Variants in GRPR observed in about 807,000 individuals in gnomAD.
GRPR encodes gastrin releasing peptide receptor, also known as gastrin-releasing peptide receptor.
Under a neutral mutation model 15.6 loss-of-function variants are expected in GRPR, and 4 were observed. The observed-to-expected ratio is 0.26, with a 90% CI of 0.13 to 0.59. The LOEUF is 0.59. Ranked by LOEUF, GRPR falls within the 20% of genes least tolerant of loss-of-function variation. GRPR has a pLI of 0.90. For synonymous variants in GRPR, 128 were observed against 126.8 expected, an observed-to-expected ratio of 1.01 and a Z score of -0.06; for missense variants, 270 against 304.1, an observed-to-expected ratio of 0.89 and a Z score of 0.83.
At chrX:16,148,731 G>A (rs1922643863) in intron 1 of GRPR, among the ~76,000 whole-genome samples, 2 of 111,335 alleles carry the variant, frequency 1.8e-5, no homozygotes, top group Non-Finnish European at 3.8e-5. Context: ...CATAGAAAAA[G>A]ACATACTCTT....
chrX:16,143,793 T>G (rs987558635), intron 1 of GRPR, among the ~76,000 whole-genome samples: 14 of 112,310 alleles, frequency 1.2e-4, no homozygotes, highest in African/African-American at 4.5e-4. Flanking sequence ...GTTCATTCAG[T>G]GTAGCACCTC....
chrX:16,150,218 G>C, intron 1 of GRPR, 87 bp from the exon 2 acceptor site: 1 of 652,697 alleles, frequency 1.5e-6, no homozygotes, highest in East Asian at 3.2e-5. Flanking sequence ...TTGTACGCCA[G>C]GTGTCTCGCT....
chrX:16,129,766 A>C (rs969731692), intron 1 of GRPR, among the ~76,000 whole-genome samples: 4 of 111,667 alleles, frequency 3.6e-5, no homozygotes, highest in African/African-American at 1.3e-4. Context: ...TTCCAAAGAC[A>C]TGAGGGGTCA....
In GRPR at chrX:16,124,357, C is replaced by T. The variant is rs1314334686; in HGVS notation, c.404C>T (p.Ser135Leu). 3.3e-6 allele frequency: 4 copies of T among 1,208,486 alleles called. No homozygotes were observed. The highest frequency in any genetic ancestry group is 4.4e-5 in the Admixed American group (2 of 45,955). Reference protein sequence around the residue: ...GVSVFTLTALSADRYKAIVRP... With the variant: ...GVSVFTLTALLADRYKAIVRP... Reference sequence around the variant, plus strand: ...TCTGTCTTCACACTCACGGCGCTCTCGGCAGACAGGTAAGTACAGGCTGAA... The same window carrying T: ...TCTGTCTTCACACTCACGGCGCTCTTGGCAGACAGGTAAGTACAGGCTGAA... Residue 135 changes from serine to leucine, a missense_variant, in exon 1 of 3, where the codon TCG (serine) becomes TTG (leucine). Ser to Leu is a moderately radical substitution (Grantham distance 145, BLOSUM62 -2). Around this residue, in one of 3 missense-constraint regions of GRPR, gnomAD observed 115 missense variants for 128.8 expected, o/e 0.89. Transcript: ENST00000380289.
chrX:16,140,234 T>A (rs1405348158), intron 1 of GRPR, among the ~76,000 whole-genome samples: 1 of 112,027 alleles, frequency 8.9e-6, no homozygotes, highest in Non-Finnish European at 1.9e-5. Flanking sequence ...ATTTTTATAA[T>A]TAGACACAGT....
At chrX:16,148,373 C>A (rs887656074) in intron 1 of GRPR, among the ~76,000 whole-genome samples, 3 of 111,524 alleles carry the variant, frequency 2.7e-5, no homozygotes, top group Admixed American at 9.5e-5. Context: ...CTCCCTGAGC[C>A]CAATGCACAA....
At chrX:16,127,808 A>G (rs996555136) in intron 1 of GRPR, among the ~76,000 whole-genome samples, 1 of 111,550 alleles carries the variant, frequency 9.0e-6, no homozygotes, top group African/African-American at 3.3e-5. Flanking sequence ...TGTTTTTTCT[A>G]TCTTCTTGTC....
At chrX:16,144,200 A>T (rs1222700157) in intron 1 of GRPR, among the ~76,000 whole-genome samples, 1 of 112,447 alleles carries the variant, frequency 8.9e-6, no homozygotes, top group Non-Finnish European at 1.9e-5. Context: ...GAGAGATAAG[A>T]TTCCATTGCT....
At chrX:16,135,793 C>G (rs1922439467) in intron 1 of GRPR, among the ~76,000 whole-genome samples, 1 of 112,142 alleles carries the variant, frequency 8.9e-6, no homozygotes, top group African/African-American at 3.2e-5. Context: ...ATGCTTATTT[C>G]TTTTTAAATG....
intron 1 of GRPR, among the ~76,000 whole-genome samples, chrX:16,143,559 T>C (rs960234193): frequency 8.9e-6 from 1 of 112,668 alleles, no homozygotes; most frequent in Admixed American, 9.4e-5. Flanking sequence ...CCTTTGTTCG[T>C]TCCTATTGGA....
chrX:16,129,525 A>C (rs192533736), intron 1 of GRPR, among the ~76,000 whole-genome samples: 64 of 111,399 alleles, frequency 5.7e-4, no homozygotes, highest in African/African-American at 2.0e-3. Flanking sequence ...TTGGGGTCCA[A>C]ATTTCTTCCC....
intron 1 of GRPR, among the ~76,000 whole-genome samples, chrX:16,147,094 A>G (rs1217839723): frequency 1.8e-5 from 2 of 111,883 alleles, no homozygotes; most frequent in Non-Finnish European, 3.8e-5. Context: ...TGAACATACC[A>G]CAACAGAAAA....
At chrX:16,129,508 A>G (rs890508174) in intron 1 of GRPR, among the ~76,000 whole-genome samples, 2 of 111,569 alleles carry the variant, frequency 1.8e-5, no homozygotes, top group African/African-American at 6.5e-5. Context: ...AGAGTTTGCT[A>G]TATGCTTTGG....
intron 1 of GRPR, among the ~76,000 whole-genome samples, chrX:16,126,402 A>G (rs745407747): frequency 8.0e-5 from 9 of 111,942 alleles, no homozygotes; most frequent in Non-Finnish European, 1.5e-4. Context: ...CTTCTATCTT[A>G]TATCTCTGAG....
At chrX:16,129,395 T>TC (rs1300080917) in intron 1 of GRPR, among the ~76,000 whole-genome samples, 4 of 111,818 alleles carry the variant, frequency 3.6e-5, no homozygotes, top group African/African-American at 1.3e-4. Context: ...CAGCCACACA[T>TC]CAAGTGCTCA....
intron 1 of GRPR, among the ~76,000 whole-genome samples, chrX:16,136,248 C>T (rs183693463): frequency 1.8e-5 from 2 of 111,616 alleles, no homozygotes; most frequent in African/African-American, 3.3e-5. Flanking sequence ...TGTGATTAGA[C>T]GTTGACTCAT....
intron 1 of GRPR, among the ~76,000 whole-genome samples, chrX:16,131,766 A>AG (rs1922380480): frequency 8.9e-6 from 1 of 112,100 alleles, no homozygotes; most frequent in African/African-American, 3.2e-5. Flanking sequence ...TTTATTGCTG[A>AG]GAAGGATTCC....
In GRPR at chrX:16,140,760, G is replaced by T. The variant is rs576336280; in HGVS notation, c.414-9545G>T. On this transcript the variant is annotated intron_variant, in intron 1 of 2. Transcript: ENST00000380289. ...TTACTGGCTTTTTCTACCTCCCTGTGCTTCCTGGCATCTTCTTCCAAATAA... is the reference window on the plus strand; with the variant it reads ...TTACTGGCTTTTTCTACCTCCCTGTTCTTCCTGGCATCTTCTTCCAAATAA... Among the ~76,000 whole-genome samples, 48 of 111,856 alleles carry T rather than the reference G, an allele frequency of 4.3e-4. No homozygotes were observed. In the South Asian group the frequency reaches 0.018, roughly 41 times the overall value.
Position 16,123,711 on chromosome X carries a change from T to C in GRPR, c.-243T>C. 1 of 401,208 alleles carries C rather than the reference T, an allele frequency of 2.5e-6. No homozygotes were observed. The highest frequency in any genetic ancestry group is 4.3e-6 in the Non-Finnish European group (1 of 230,509). 33.1% of individuals were successfully genotyped at this position (401,208 alleles called of 1,213,427 possible). On this transcript the variant is annotated 5_prime_UTR_variant, in exon 1 of 3. Coordinates refer to ENST00000380289, the MANE Select transcript of GRPR (RefSeq NM_005314.3). ...GCCTTTTTGTGGCTAAGTTTTGTTG[T>C]TGTTAACTTATTGAATTTAGAGTTG...
Sources: allele counts gnomAD v4.1 joint callset (sites outside exome capture counted in the v4.1 genomes callset), GRCh38; gene constraint gnomAD v4.1.1; regional missense constraint gnomAD v4.1.1; transcripts MANE v1.5; gene names NCBI Gene and HGNC (gene_info 2026-07-23, HGNC 2026-07-21).